The following SYTL2 variants were observed in gnomAD, a reference collection of about 807,000 sequenced individuals.
SYTL2 encodes the protein synaptotagmin-like protein 2.
SYTL2 carries 165 observed loss-of-function variants against 198.7 expected under a neutral mutation model. The ratio of observed to expected loss-of-function variants is 0.83; its 90% CI spans 0.73 to 0.94. The LOEUF is 0.94. Ranked by LOEUF, SYTL2 falls within the 40% of genes least tolerant of loss-of-function variation. SYTL2 has a pLI of 0.00. For synonymous variants in SYTL2, 966 were observed against 917.7 expected (o/e 1.05, Z -0.95); for missense variants, 2,835 against 2,582.8 (o/e 1.10, Z -2.12).
intron 1 of SYTL2, among the ~76,000 whole-genome samples, chr11:85,776,250 A>C (rs964571675): frequency 6.6e-6 from 1 of 152,198 alleles, no homozygotes; most frequent in Non-Finnish European, 1.5e-5. Context: ...CAGAATCATG[A>C]GCCAAATAAA....
intron 1 of SYTL2, among the ~76,000 whole-genome samples, chr11:85,772,002 A>C (rs2092364644): frequency 2.0e-5 from 3 of 152,168 alleles, no homozygotes; most frequent in Admixed American, 6.5e-5. Context: ...TCCTGGGCTT[A>C]AGCGATCCTC....
At chr11:85,728,192 G>A (rs913335805) in intron 7 of SYTL2, among the ~76,000 whole-genome samples, 1 of 152,204 alleles carries the variant, frequency 6.6e-6, no homozygotes, top group Non-Finnish European at 1.5e-5. Context: ...AGACCTGGAA[G>A]TACATGGTAT....
chr11:85,779,343 T>C (rs2092517087), intron 1 of SYTL2, among the ~76,000 whole-genome samples: 1 of 152,166 alleles, frequency 6.6e-6, no homozygotes, highest in Non-Finnish European at 1.5e-5. Context: ...TTGCTATTAT[T>C]TCTATGAAGA....
chr11:85,781,462 T>C (rs2092558749), intron 1 of SYTL2, among the ~76,000 whole-genome samples: 1 of 151,968 alleles, frequency 6.6e-6, no homozygotes, highest in Admixed American at 6.5e-5. Flanking sequence ...CCCTCCAAAA[T>C]CTCATGTCCT....
chr11:85,755,807 G>A (rs546481779), intron 2 of SYTL2, among the ~76,000 whole-genome samples: 10 of 152,240 alleles, frequency 6.6e-5, no homozygotes, highest in Middle Eastern at 3.4e-3. Flanking sequence ...CTTTCTCCTC[G>A]TAAGCTGACT....
intron 11 of SYTL2, among the ~76,000 whole-genome samples, chr11:85,715,316 G>T (rs533797336): frequency 1.3e-5 from 2 of 151,966 alleles, no homozygotes; most frequent in African/African-American, 4.8e-5. Context: ...TTTTCTTATG[G>T]TGAATCACAG....
At chr11:85,846,835 G>A in the SYTL2 span, among the ~76,000 whole-genome samples, 1 of 149,538 alleles carries the variant, frequency 6.7e-6, no homozygotes, top group Non-Finnish European at 1.5e-5. Context: ...TCGGGTTCAA[G>A]CGATTCTCCT....
intron 1 of SYTL2, among the ~76,000 whole-genome samples, chr11:85,806,556 G>A (rs2092961416): frequency 6.6e-6 from 1 of 152,096 alleles, no homozygotes; most frequent in African/African-American, 2.4e-5. Flanking sequence ...ATCTCAAGAG[G>A]TTATAGATTA....
rs759251224 is a variant in SYTL2, at chr11:85,714,409, T to C, written c.5625+4A>G. 1.2e-6 allele frequency: 2 copies of C among 1,609,700 alleles called. No homozygotes were observed. Among genetic ancestry groups the C allele is most frequent in the African/African-American group, 1.3e-5 (1 of 74,926 alleles). ...TTTTCTGAAGGTACAAAAGACAAAC[T>C]TGCCTCATCTTGGAGAAATGCTGGA... On this transcript the variant is annotated splice_donor_region_variant and intron_variant, in intron 12 of 19. Coordinates refer to ENST00000359152, the MANE Select transcript of SYTL2 (RefSeq NM_206927.4).
chr11:85,726,587 C>G lies in SYTL2; in HGVS notation c.2771G>C (p.Arg924Thr). The G allele has an allele frequency of 6.4e-7, 1 of 1,570,276 alleles. No homozygotes were observed. Among genetic ancestry groups the G allele is most frequent in the Non-Finnish European group, 8.6e-7 (1 of 1,163,394 alleles). Residue 924 changes from arginine (R) to threonine (T), a missense_variant, in exon 8 of 20, where the codon AGA (arginine) becomes ACA (threonine). Coordinates refer to ENST00000359152, the MANE Select transcript of SYTL2 (RefSeq NM_206927.4). Reference protein sequence around the residue: ...SQVADSLPSRRNITLPALQPP... With the variant: ...SQVADSLPSRTNITLPALQPP... ...TTGCAGTGCTGGTAAAGTAATGTTTCTTCTAGAAGGCAAACTGTCTGCCAC... is the reference window on the plus strand; with the variant it reads ...TTGCAGTGCTGGTAAAGTAATGTTTGTTCTAGAAGGCAAACTGTCTGCCAC...
rs1420346394 is a variant in SYTL2, at chr11:85,724,298, C to T, written c.5060G>A (p.Ser1687Asn). Residue 1687 changes from serine (S) to asparagine (N), a missense_variant, in exon 8 of 20, where the codon AGT becomes AAT. Around this residue, in one of 3 missense-constraint regions of SYTL2, gnomAD observed 2,645 missense variants for 2,381.7 expected, o/e 1.11. Coordinates refer to ENST00000359152, the MANE Select transcript of SYTL2 (RefSeq NM_206927.4). ...TTGTCCCCCTGCAACCCCACTTTCA[C>T]TGTCCCTGTCCTCTGGGGGGGTTAC... ...KTVTPPEDRDSESGVAGGQGT... is the reference protein window; with the variant it reads ...KTVTPPEDRDNESGVAGGQGT... The T allele has an allele frequency of 6.4e-7, 1 of 1,564,398 alleles. No homozygotes were observed. The highest frequency in any genetic ancestry group is 2.2e-5 in the East Asian group (1 of 44,698).
At chr11:85,774,762 G>A (rs936611624) in intron 1 of SYTL2, among the ~76,000 whole-genome samples, 2 of 152,126 alleles carry the variant, frequency 1.3e-5, no homozygotes, top group Non-Finnish European at 1.5e-5. Flanking sequence ...ATCTGGACAA[G>A]AGCTTTATAG....
intron 1 of SYTL2, among the ~76,000 whole-genome samples, chr11:85,789,316 G>A (rs1410037176): frequency 9.1e-6 from 1 of 109,648 alleles, no homozygotes; most frequent in Non-Finnish European, 1.7e-5. Context: ...TATATGATGT[G>A]TGTGTGTATG....
intron 1 of SYTL2, among the ~76,000 whole-genome samples, chr11:85,787,916 G>T (rs930328727): frequency 1.3e-5 from 2 of 152,036 alleles, no homozygotes; most frequent in Admixed American, 1.3e-4. Context: ...TCAGGGCTGG[G>T]AATGCCCTAG....
At chr11:85,794,365 G>T (rs2092773198) in intron 1 of SYTL2, among the ~76,000 whole-genome samples, 1 of 151,910 alleles carries the variant, frequency 6.6e-6, no homozygotes, top group African/African-American at 2.4e-5. Context: ...TTTTTTTCTA[G>T]AGACAGGTTC....
chr11:85,771,289 G>A lies in SYTL2; in HGVS notation c.-389-13175C>T, dbSNP rs993794833. Among the ~76,000 whole-genome samples the A allele has an allele frequency of 3.9e-5, 6 of 152,168 alleles. 1 individual carries two copies. Among genetic ancestry groups the A allele is most frequent in the South Asian group, 4.1e-4 (2 of 4,824 alleles). On this transcript the variant is annotated intron_variant, in intron 1 of 19. Transcript: ENST00000359152. The stretch of plus-strand genomic sequence containing the variant: ...GGGGAGAAGCACACTGGATCTCTGC[G>A]ATCATCAGTGTTCAATATAATTCTT...
In SYTL2 at chr11:85,725,492, C is replaced by A. The variant is rs371022633; in HGVS notation, c.3866G>T (p.Gly1289Val). Residue 1289 changes from glycine (G) to valine (V), a missense_variant, in exon 8 of 20, where the codon GGT becomes GTT. Gly to Val is a moderately radical substitution (Grantham distance 109). Coordinates refer to ENST00000359152, the MANE Select transcript of SYTL2 (RefSeq NM_206927.4). ...ATTCTGTGTGCTTAGCTGGCACTCA[C>A]CACTTTCAGCTTTCTTGAGGAGAGC... ...NTALLKKAES[G>V]ECQLSTQNLI... The A allele has an allele frequency of 2.7e-4, 443 of 1,614,060 alleles. 4 individuals are homozygous for A. In the South Asian group the frequency reaches 3.3e-3, roughly 12 times the overall value.
At chr11:85,745,373 G>A (rs868451038) in intron 4 of SYTL2, among the ~76,000 whole-genome samples, 15 of 152,114 alleles carry the variant, frequency 9.9e-5, no homozygotes, top group East Asian at 3.8e-4. Flanking sequence ...AAATAAAAAC[G>A]GCTCTTGCTG....
chr11:85,808,023 A>C (rs189230975), intron 1 of SYTL2, among the ~76,000 whole-genome samples: 28 of 152,118 alleles, frequency 1.8e-4, no homozygotes, highest in Admixed American at 1.6e-3. Flanking sequence ...CTATATCCCA[A>C]GTTTTGCTTT....
Sources: allele counts gnomAD v4.1 joint callset (sites outside exome capture counted in the v4.1 genomes callset), GRCh38; gene constraint gnomAD v4.1.1; regional missense constraint gnomAD v4.1.1; transcripts MANE v1.5; gene names NCBI Gene and HGNC (gene_info 2026-07-23, HGNC 2026-07-21).